The following SCRG1 variants were observed in gnomAD, a reference collection of about 807,000 sequenced individuals.
SCRG1 encodes scrapie-responsive protein 1.
Under a neutral mutation model 7.7 loss-of-function variants are expected in SCRG1, and 3 were observed. The observed-to-expected ratio is 0.39, with a 90% CI of 0.18 to 1.01. The LOEUF is 1.01. Ranked by LOEUF, SCRG1 falls within the 50% of genes least tolerant of loss-of-function variation. The pLI is 0.36. For missense variants in SCRG1, 110 were observed against 117.2 expected, an observed-to-expected ratio of 0.94 and a Z score of 0.28; for synonymous variants, 46 against 41.2, an observed-to-expected ratio of 1.12 and a Z score of -0.44.
chr4:173,471,722 G>A, the SCRG1 span, among the ~76,000 whole-genome samples: 10 of 152,232 alleles, frequency 6.6e-5, no homozygotes, highest in South Asian at 1.9e-3. Context: ...TGGAAAATGA[G>A]TTTTGTTTTG....
chr4:173,436,170 G>A, the SCRG1 span, among the ~76,000 whole-genome samples: 1 of 152,176 alleles, frequency 6.6e-6, no homozygotes, highest in African/African-American at 2.4e-5. Context: ...ATATCATTGG[G>A]TTAGTTCGTG....
chr4:173,504,303 AACGGCGTGCTCCTCCGGTAGCCG>A, the SCRG1 span, among the ~76,000 whole-genome samples: 1 of 152,164 alleles, frequency 6.6e-6, no homozygotes, highest in South Asian at 2.1e-4. This position sits in a 1 kb window ranked among gnomAD's most constrained non-coding sequence, Gnocchi z 4.7. Flanking sequence ...ATGCAGCGCA[AACGGCGTGCTCCTCCGGTAGCCG>A]TATGGGGGAG....
At chr4:173,491,343 G>T in the SCRG1 span, among the ~76,000 whole-genome samples, 6 of 151,674 alleles carry the variant, frequency 4.0e-5, no homozygotes, top group Admixed American at 4.0e-4. Flanking sequence ...TTGCTGACAT[G>T]GTGGTAGAGG....
At chr4:173,447,409 C>T in the SCRG1 span, among the ~76,000 whole-genome samples, 1 of 152,158 alleles carries the variant, frequency 6.6e-6, no homozygotes, top group Non-Finnish European at 1.5e-5. Context: ...TTCAGTCCAT[C>T]GCAGCTTCCC....
the SCRG1 span, among the ~76,000 whole-genome samples, chr4:173,465,284 T>C: frequency 6.6e-6 from 1 of 152,202 alleles, no homozygotes; most frequent in East Asian, 1.9e-4. Flanking sequence ...TATGTGCGTG[T>C]GCATGCATAG....
At chr4:173,452,855 A>G in the SCRG1 span, among the ~76,000 whole-genome samples, 1 of 152,234 alleles carries the variant, frequency 6.6e-6, no homozygotes, top group Non-Finnish European at 1.5e-5. Context: ...AATATCAGAG[A>G]TGTTAAGAAA....
At chr4:173,416,923 CACACACACACA>C in the SCRG1 span, among the ~76,000 whole-genome samples, 2 of 56,698 alleles carry the variant, frequency 3.5e-5, no homozygotes, top group East Asian at 1.5e-3. Flanking sequence ...CACACACACA[CACACACACACA>C]CACACACACA....
At chr4:173,427,778 A>G in the SCRG1 span, among the ~76,000 whole-genome samples, 1 of 152,212 alleles carries the variant, frequency 6.6e-6, no homozygotes, top group South Asian at 2.1e-4. Context: ...GGACTCTAAC[A>G]TATGTTTTTG....
At chr4:173,423,788 G>C in the SCRG1 span, among the ~76,000 whole-genome samples, 1 of 152,050 alleles carries the variant, frequency 6.6e-6, no homozygotes, top group South Asian at 2.1e-4. Flanking sequence ...AGTTTATAAA[G>C]AAAAGATGTT....
chr4:173,465,646 T>G, the SCRG1 span, among the ~76,000 whole-genome samples: 436 of 151,538 alleles, frequency 2.9e-3, 4 homozygotes, highest in African/African-American at 1.0e-2. Context: ...ATATATATTT[T>G]TTGTATATAT....
chr4:173,472,677 C>T, the SCRG1 span, among the ~76,000 whole-genome samples: 2 of 74,992 alleles, frequency 2.7e-5, no homozygotes, highest in Admixed American at 3.5e-4. Context: ...GGAGGAATTA[C>T]CTCTTACTTG....
At chr4:173,445,454 C>T in the SCRG1 span, among the ~76,000 whole-genome samples, 6 of 151,470 alleles carry the variant, frequency 4.0e-5, no homozygotes, top group South Asian at 2.1e-4. Context: ...TGGTGGCAGG[C>T]GCCTGTAATC....
chr4:173,428,239 T>C, the SCRG1 span, among the ~76,000 whole-genome samples: 2 of 152,232 alleles, frequency 1.3e-5, no homozygotes, highest in Admixed American at 1.3e-4. Context: ...CCCTTAACAA[T>C]ATAATTCATG....
the SCRG1 span, among the ~76,000 whole-genome samples, chr4:173,500,052 C>T: frequency 1.4e-4 from 21 of 152,214 alleles, no homozygotes; most frequent in African/African-American, 4.3e-4. Flanking sequence ...AAGTGCCTGC[C>T]ACCGGTTAGC....
chr4:173,396,712 T>TTGTGTGTGTGTGTGTGTGTGTG (rs71594043), intron 1 of SCRG1, among the ~76,000 whole-genome samples: 2 of 107,016 alleles, frequency 1.9e-5, no homozygotes, highest in African/African-American at 3.9e-5. Context: ...ACTGGTAGTT[T>TTGTGTGTGTGTGTGTGTGTGTG]TGTGTGTGTG....
At chr4:173,391,039 T>C in intron 2 of SCRG1, 134 bp downstream of exon 2, 1 of 873,376 alleles carries the variant, frequency 1.1e-6, no homozygotes. Context: ...GTGATTATTC[T>C]AGAAAAGAGC....
chr4:173,463,687 G>T, the SCRG1 span, among the ~76,000 whole-genome samples: 3 of 152,148 alleles, frequency 2.0e-5, no homozygotes, highest in East Asian at 5.8e-4. Flanking sequence ...AACCTATCTT[G>T]GTCATTTTCC....
At chr4:173,511,167 G>C in the SCRG1 span, among the ~76,000 whole-genome samples, 1 of 151,998 alleles carries the variant, frequency 6.6e-6, no homozygotes, top group Non-Finnish European at 1.5e-5. The surrounding 1 kb of genome is among the most constrained non-coding windows in gnomAD (Gnocchi z 5.2). Context: ...GGGGTGGGGG[G>C]GTGTTTCACC....
chr4:173,412,160 G>A, the SCRG1 span, among the ~76,000 whole-genome samples: 1 of 152,118 alleles, frequency 6.6e-6, no homozygotes, highest in Admixed American at 6.5e-5. Context: ...AACCACTCAT[G>A]CAGTGGCCAC....
Sources: gnomAD v4.1 joint callset for allele counts (sites outside exome capture counted in the v4.1 genomes callset) on GRCh38, gnomAD v4.1.1 for gene constraint, Gnocchi (gnomAD v3.1) non-coding constraint, MANE v1.5 for transcripts, NCBI Gene and HGNC (gene_info 2026-07-23, HGNC 2026-07-21) for gene names.